Variants in UBE4B observed in about 807,000 individuals in gnomAD.
UBE4B encodes ubiquitination factor E4B, also known as ubiquitin conjugation factor E4 B.
UBE4B carries 27 observed loss-of-function variants against 148.1 expected under a neutral mutation model. The observed-to-expected ratio is 0.18, with a 90% confidence interval of 0.13 to 0.25. The LOEUF (loss-of-function observed/expected upper bound fraction) is 0.25. UBE4B is among the 10% of genes least tolerant of loss of function. The pLI is 1.00. For missense variants in UBE4B, 1,170 were observed against 1,662.4 expected (o/e 0.70, Z 5.15); for synonymous variants, 596 against 619.3 (o/e 0.96, Z 0.56).
chr1:10,039,642 G>A (rs1339788763), intron 1 of UBE4B, among the ~76,000 whole-genome samples: 1 of 149,574 alleles, frequency 6.7e-6, no homozygotes, highest in Non-Finnish European at 1.5e-5. Flanking sequence ...GTTTTACCAT[G>A]TTGACTAGGC....
chr1:10,168,161 A>T lies in UBE4B; in HGVS notation c.3224A>T (p.Gln1075Leu), dbSNP rs1379704266. ...GATCAGCAGCAGGCTCGTCAGTCTC[A>T]GCTTGCTCAGGATGAGCGTGTGTCC... The part of the protein sequence containing the change: ...PRDQQQARQS[Q>L]LAQDERVSRS... The change falls in exon 24 of 28, where the codon CAG becomes CTG. Residue 1075 changes from glutamine (Q) to leucine (L), a missense_variant. This residue lies in a region of UBE4B where 348 missense variants were observed against 627.2 expected (regional missense o/e 0.55). Coordinates refer to ENST00000343090, the MANE Select transcript of UBE4B (RefSeq NM_001105562.3). The surrounding 1 kb of genome is among the most constrained non-coding windows in gnomAD (Gnocchi z 4.9). 3 of 1,613,976 alleles carry T rather than the reference A, an allele frequency of 1.9e-6. No homozygotes were observed. In the East Asian group the frequency reaches 6.7e-5, roughly 36 times the overall value.
chr1:10,164,086 A>G (rs1646209933), intron 23 of UBE4B, among the ~76,000 whole-genome samples: 3 of 151,992 alleles, frequency 2.0e-5, no homozygotes, highest in Middle Eastern at 6.8e-3. Flanking sequence ...CATGCCTGTA[A>G]TATCAGCACT....
intron 21 of UBE4B, among the ~76,000 whole-genome samples, chr1:10,156,687 C>T (rs951627423): frequency 6.6e-6 from 1 of 152,190 alleles, no homozygotes; most frequent in African/African-American, 2.4e-5. Context: ...CAACACTCCA[C>T]ACTTTAGCTC....
At chr1:10,124,863 C>G (rs915340849) in intron 10 of UBE4B, among the ~76,000 whole-genome samples, 2 of 152,120 alleles carry the variant, frequency 1.3e-5, no homozygotes, top group Non-Finnish European at 2.9e-5. Context: ...TGGTGGCTCA[C>G]GCCTGTAATC....
At chr1:10,049,220 G>A (rs989237097) in intron 1 of UBE4B, among the ~76,000 whole-genome samples, 1 of 152,144 alleles carries the variant, frequency 6.6e-6, no homozygotes, top group African/African-American at 2.4e-5. Flanking sequence ...AGGTACTGAG[G>A]GCTGACTATG....
chr1:10,123,427 CAAAAAAAA>C (rs34527607), intron 10 of UBE4B, among the ~76,000 whole-genome samples: 6 of 35,670 alleles, frequency 1.7e-4, no homozygotes, highest in South Asian at 1.1e-3. Flanking sequence ...AAGACTGTCT[CAAAAAAAA>C]AAAAAAAAAA....
At chr1:10,039,602 T>C (rs1398110286) in intron 1 of UBE4B, among the ~76,000 whole-genome samples, 1 of 151,652 alleles carries the variant, frequency 6.6e-6, no homozygotes, top group Non-Finnish European at 1.5e-5. Flanking sequence ...GCTGATTTTT[T>C]TTTTTTTTTG....
At chr1:10,081,081 A>T (rs1466341563) in intron 2 of UBE4B, among the ~76,000 whole-genome samples, 1 of 152,200 alleles carries the variant, frequency 6.6e-6, no homozygotes, top group Admixed American at 6.6e-5. Context: ...ATTATTATTG[A>T]GACGAAGTTT....
At chr1:10,051,281 G>C (rs536062557) in intron 1 of UBE4B, among the ~76,000 whole-genome samples, 8 of 152,154 alleles carry the variant, frequency 5.3e-5, no homozygotes, top group Non-Finnish European at 1.2e-4. Context: ...ATACCATCTC[G>C]TAGCACTGTT....
At position 10,153,130 on chromosome 1, in the gene UBE4B, C is replaced by A. The variant is rs888388137; in HGVS notation, c.2926+1569C>A. On this transcript the variant is annotated intron_variant, in intron 21 of 27. Coordinates refer to ENST00000343090, the MANE Select transcript of UBE4B (RefSeq NM_001105562.3). Reference sequence around the variant, plus strand: ...GTTTTCCAGTTCTCCTGCAGCACCCCCTATTGGCAACCCTAGAGAGGGCGG... The same window carrying A: ...GTTTTCCAGTTCTCCTGCAGCACCCACTATTGGCAACCCTAGAGAGGGCGG... 2.0e-5 allele frequency among the ~76,000 whole-genome samples: 3 copies of A among 151,956 alleles called. No individual in the cohort carries two copies. The East Asian group carries it at 5.8e-4, about 29-fold the overall frequency.
intron 1 of UBE4B, among the ~76,000 whole-genome samples, chr1:10,048,544 G>T (rs1370754887): frequency 6.6e-6 from 1 of 152,168 alleles, no homozygotes; most frequent in African/African-American, 2.4e-5. Context: ...CAGAAAAGGA[G>T]ACTGATAAGG....
At chr1:10,154,084 A>G (rs1646025483) in intron 21 of UBE4B, among the ~76,000 whole-genome samples, 1 of 152,076 alleles carries the variant, frequency 6.6e-6, no homozygotes, top group South Asian at 2.1e-4. Context: ...CTCCGTCTCA[A>G]AAACAAAAAT....
chr1:10,120,474 G>A (rs769935464), intron 9 of UBE4B, among the ~76,000 whole-genome samples: 4 of 152,154 alleles, frequency 2.6e-5, no homozygotes, highest in Non-Finnish European at 5.9e-5. Context: ...AGCCGAGATC[G>A]TGCCACTGCA....
intron 1 of UBE4B, among the ~76,000 whole-genome samples, chr1:10,047,673 T>C (rs1643940607): frequency 1.3e-5 from 2 of 151,812 alleles, no homozygotes; most frequent in Non-Finnish European, 1.5e-5. Context: ...TTTCTATTTT[T>C]AGTAGAGATG....
rs546830320 is a variant in UBE4B at position 10,168,765 on chromosome 1, A to G, written c.3333+495A>G. Among the ~76,000 whole-genome samples, 28 of 151,848 alleles carry G rather than the reference A, an allele frequency of 1.8e-4. No homozygotes were observed. Among genetic ancestry groups the G allele is most frequent in the Non-Finnish European group, 3.8e-4 (26 of 67,942 alleles). ...AAATTAGCTGGGCGTGGTGGTGGGC[A>G]CCTGTAGTCCCAGCTACTCAGGAGG... On this transcript the variant is annotated intron_variant, in intron 24 of 27. Transcript: ENST00000343090. The surrounding 1 kb of genome is among the most constrained non-coding windows in gnomAD (Gnocchi z 4.9).
intron 15 of UBE4B, among the ~76,000 whole-genome samples, chr1:10,133,466 ATTG>A (rs1645629213): frequency 1.3e-5 from 2 of 152,120 alleles, no homozygotes; most frequent in Non-Finnish European, 2.9e-5. Context: ...CATTCTTATC[ATTG>A]TTGTATTATT....
At chr1:10,131,463 C>T (rs1316735222) in intron 14 of UBE4B, among the ~76,000 whole-genome samples, 5 of 151,918 alleles carry the variant, frequency 3.3e-5, no homozygotes, top group South Asian at 2.1e-4. Flanking sequence ...TCAGCCTGGG[C>T]GACAGAGCAA....
intron 9 of UBE4B, among the ~76,000 whole-genome samples, chr1:10,121,573 T>C (rs1227590215): frequency 2.6e-5 from 4 of 151,982 alleles, no homozygotes; most frequent in Non-Finnish European, 5.9e-5. Flanking sequence ...TTTTCATCTT[T>C]TGTAGAGACA....
chr1:10,158,558 C>A, intron 22 of UBE4B, 76 bp downstream of exon 22: 1 of 1,543,516 alleles, frequency 6.5e-7, no homozygotes, highest in Non-Finnish European at 8.8e-7. Context: ...AAAGCATGCA[C>A]AGCTGGGTTC....
Sources: gnomAD v4.1 joint callset for allele counts (sites outside exome capture counted in the v4.1 genomes callset) on GRCh38, gnomAD v4.1.1 for gene constraint, gnomAD v4.1.1 regional missense constraint, Gnocchi (gnomAD v3.1) non-coding constraint, MANE v1.5 for transcripts, NCBI Gene and HGNC (gene_info 2026-07-23, HGNC 2026-07-21) for gene names.